PDSS2: variants seen among roughly 807,000 people sequenced by gnomAD.
The protein encoded by PDSS2 is all trans-polyprenyl-diphosphate synthase PDSS2.
PDSS2 carries 31 observed loss-of-function variants against 44.5 expected under a neutral mutation model. The observed-to-expected ratio is 0.70, with a 90% CI of 0.52 to 0.94. The LOEUF (loss-of-function observed/expected upper bound fraction) is 0.94. PDSS2 is among the 40% of genes least tolerant of loss of function. The pLI is 0.00. For synonymous variants in PDSS2, 157 were observed against 180.3 expected (o/e 0.87, Z 1.03); for missense variants, 452 against 482.2 (o/e 0.94, Z 0.59).
At chr6:107,247,981 C>T (rs1774683080) in intron 3 of PDSS2, among the ~76,000 whole-genome samples, 2 of 151,486 alleles carry the variant, frequency 1.3e-5, no homozygotes, top group Admixed American at 6.6e-5. Flanking sequence ...ATCGCAGCGC[C>T]ACTGCACTCC....
intron 3 of PDSS2, among the ~76,000 whole-genome samples, chr6:107,251,861 A>C (rs1774831175): frequency 6.6e-6 from 1 of 152,224 alleles, no homozygotes; most frequent in African/African-American, 2.4e-5. Flanking sequence ...ACTATTTGTG[A>C]GACGCATATA....
chr6:107,320,842 C>T (rs1777358735), intron 2 of PDSS2, among the ~76,000 whole-genome samples: 1 of 152,154 alleles, frequency 6.6e-6, no homozygotes, highest in Non-Finnish European at 1.5e-5. Flanking sequence ...TGTCTGTCCA[C>T]TATACTGAGG....
intron 2 of PDSS2, among the ~76,000 whole-genome samples, chr6:107,296,832 A>G (rs910515013): frequency 6.6e-6 from 1 of 152,236 alleles, no homozygotes; most frequent in Non-Finnish European, 1.5e-5. Context: ...TTCCATAAAT[A>G]CTTTTTGCAT....
chr6:107,397,344 C>T (rs543316659), intron 1 of PDSS2, among the ~76,000 whole-genome samples: 8 of 152,196 alleles, frequency 5.3e-5, no homozygotes, highest in African/African-American at 1.9e-4. Flanking sequence ...GGCAGTGGCA[C>T]CCAATGTACA....
intron 6 of PDSS2, among the ~76,000 whole-genome samples, chr6:107,198,850 G>T (rs1416292370): frequency 6.7e-6 from 1 of 150,210 alleles, no homozygotes; most frequent in Non-Finnish European, 1.5e-5. Context: ...GCAAAAATCA[G>T]CCAGGCATGG....
chr6:107,407,726 G>A (rs1391235873), intron 1 of PDSS2, among the ~76,000 whole-genome samples: 2 of 152,152 alleles, frequency 1.3e-5, no homozygotes, highest in East Asian at 3.8e-4. Context: ...TTGAGATGGA[G>A]TCTCGCTCTG....
At chr6:107,200,747 A>C (rs936418254) in intron 6 of PDSS2, among the ~76,000 whole-genome samples, 6 of 151,678 alleles carry the variant, frequency 4.0e-5, no homozygotes, top group African/African-American at 1.5e-4. Flanking sequence ...GCTCACTGCA[A>C]CCTCCACCTC....
chr6:107,423,062 C>G (rs1448037608), intron 1 of PDSS2, among the ~76,000 whole-genome samples: 1 of 151,802 alleles, frequency 6.6e-6, no homozygotes, highest in African/African-American at 2.4e-5. Context: ...AGTTTAAAAA[C>G]AAACAAAAAA....
At chr6:107,390,670 T>C (rs1449438117) in intron 1 of PDSS2, among the ~76,000 whole-genome samples, 2 of 152,154 alleles carry the variant, frequency 1.3e-5, no homozygotes, top group African/African-American at 4.8e-5. Flanking sequence ...ATATCAGATG[T>C]TAATAGAGGA....
chr6:107,236,480 A>AG (rs1774229824), intron 4 of PDSS2, among the ~76,000 whole-genome samples: 1 of 152,102 alleles, frequency 6.6e-6, no homozygotes. Context: ...AAAAAAAAAA[A>AG]AAGAGTTCAT....
rs372372889 is a variant in PDSS2 at position 107,310,460 on chromosome 6, T to C, written c.431+23738A>G. On this transcript the variant is annotated intron_variant, in intron 2 of 7. Coordinates refer to ENST00000369037, the MANE Select transcript of PDSS2 (RefSeq NM_020381.4). Reference sequence around the variant, plus strand: ...TTCTTCTGAGGGCAGCTCTGAGAGATTACCTAGGACGCTTTATCTGCATAT... The same window carrying C: ...TTCTTCTGAGGGCAGCTCTGAGAGACTACCTAGGACGCTTTATCTGCATAT... 1.5e-4 allele frequency among the ~76,000 whole-genome samples: 23 copies of C among 152,200 alleles called. No homozygotes were observed. The East Asian group carries it at 3.3e-3, about 22-fold the overall frequency.
chr6:107,344,458 G>A (rs1386214450), intron 1 of PDSS2, among the ~76,000 whole-genome samples: 1 of 152,110 alleles, frequency 6.6e-6, no homozygotes, highest in Non-Finnish European at 1.5e-5. Context: ...GGCCTGAGGT[G>A]ACCAGCCTTT....
intron 3 of PDSS2, among the ~76,000 whole-genome samples, chr6:107,259,174 A>G (rs1239756601): frequency 1.3e-5 from 2 of 152,214 alleles, no homozygotes; most frequent in African/African-American, 4.8e-5. Flanking sequence ...TATTTCTAAA[A>G]TATTTGATGG....
intron 4 of PDSS2, among the ~76,000 whole-genome samples, chr6:107,236,185 T>A (rs1241915644): frequency 6.6e-6 from 1 of 152,080 alleles, no homozygotes; most frequent in Admixed American, 6.6e-5. Flanking sequence ...AGCTTTCCTG[T>A]TGAAAATAAT....
At chr6:107,155,665 C>T (rs1384083317) in intron 7 of PDSS2, among the ~76,000 whole-genome samples, 1 of 149,458 alleles carries the variant, frequency 6.7e-6, no homozygotes, top group African/African-American at 2.5e-5. Flanking sequence ...CAGCAACCTT[C>T]GCCTCTCGGG....
At chr6:107,428,945 C>T (rs929059910) in intron 1 of PDSS2, among the ~76,000 whole-genome samples, 1 of 152,194 alleles carries the variant, frequency 6.6e-6, no homozygotes, top group Non-Finnish European at 1.5e-5. Context: ...ATCCATGAAG[C>T]AGCAACTATA....
intron 2 of PDSS2, among the ~76,000 whole-genome samples, chr6:107,290,391 C>A (rs934683928): frequency 1.5e-4 from 23 of 152,226 alleles, no homozygotes; most frequent in Non-Finnish European, 1.6e-4. Flanking sequence ...AGAAACGAGG[C>A]AAGCAGGAAA....
chr6:107,420,109 CTATTGA>C (rs1780778959), intron 1 of PDSS2, among the ~76,000 whole-genome samples: 1 of 152,192 alleles, frequency 6.6e-6, no homozygotes, highest in African/African-American at 2.4e-5. Context: ...CCTAAATGCT[CTATTGA>C]TATTATTTAT....
chr6:107,251,255 A>T (rs1389044539), intron 3 of PDSS2, among the ~76,000 whole-genome samples: 2 of 152,262 alleles, frequency 1.3e-5, no homozygotes, highest in Non-Finnish European at 2.9e-5. Flanking sequence ...GTATGGTTGC[A>T]TTTTAATTCA....
Sources: gnomAD v4.1 joint callset for allele counts (sites outside exome capture counted in the v4.1 genomes callset) on GRCh38, gnomAD v4.1.1 for gene constraint, MANE v1.5 for transcripts, NCBI Gene and HGNC (gene_info 2026-07-23, HGNC 2026-07-21) for gene names.